ATXN7: variants seen among roughly 807,000 people sequenced by gnomAD.
ATXN7 encodes the protein ataxin-7.
A neutral mutation model predicts 70.5 loss-of-function variants in ATXN7; 12 were observed. The observed-to-expected ratio is 0.17, with a 90% CI of 0.11 to 0.28. ATXN7 has a LOEUF of 0.28. ATXN7 is among the 10% of genes least tolerant of loss of function. The pLI is 1.00. For synonymous variants in ATXN7, 498 were observed against 448.7 expected (o/e 1.11, Z -1.39); for missense variants, 1,256 against 1,131.7 (o/e 1.11, Z -1.58).
chr3:63,946,366 G>A (rs963923956), intron 4 of ATXN7, among the ~76,000 whole-genome samples: 8 of 152,120 alleles, frequency 5.3e-5, no homozygotes, highest in Non-Finnish European at 8.8e-5. Flanking sequence ...TGGGCCAGGC[G>A]CGGTGGCTCA....
rs151161133 is a variant in ATXN7 at position 63,914,703 on chromosome 3, T to C, written c.394+1478T>C. The stretch of plus-strand genomic sequence containing the variant: ...CTGTGTGAAAACAAGATTGTAATTA[T>C]CAATAATTCTGCTGTAAAGGATGAG... On this transcript the variant is annotated intron_variant, in intron 4 of 12. Coordinates refer to ENST00000674280, the MANE Select transcript of ATXN7 (RefSeq NM_001377405.1). Among the ~76,000 whole-genome samples, 1,165 of 152,296 alleles carry C rather than the reference T, an allele frequency of 7.6e-3. 17 individuals are homozygous for C. Among genetic ancestry groups the C allele is most frequent in the African/African-American group, 0.025 (1,030 of 41,566 alleles).
chr3:63,875,520 A>G (rs1197121254), intron 1 of ATXN7, among the ~76,000 whole-genome samples: 3 of 152,162 alleles, frequency 2.0e-5, no homozygotes, highest in Non-Finnish European at 2.9e-5. Context: ...GAGGCCCAGC[A>G]TCTTTTTATT....
At chr3:63,912,980 TCCCCTCCCCCCTGCC>T (rs1704111481) in intron 3 of ATXN7, 57 bp downstream of exon 3, 1 of 784,404 alleles carries the variant, frequency 1.3e-6, no homozygotes, top group Non-Finnish European at 1.6e-6. Context: ...TCCTCTCTCC[TCCCCTCCCCCCTGCC>T]CCCCTCCTGT....
chr3:63,921,316 C>G (rs1225294502), intron 4 of ATXN7, among the ~76,000 whole-genome samples: 2 of 151,984 alleles, frequency 1.3e-5, no homozygotes, highest in African/African-American at 2.4e-5. Flanking sequence ...TCCAGTCATG[C>G]AACAGAAAAA....
rs1007184831 is a variant in ATXN7, at chr3:63,988,334, G to A, written c.1361+10G>A. Reference sequence around the variant, plus strand: ...CCCCCAGTCTTCCAAGGTAAGCCAGGCCCTCCAACTCTTTCTCCCACCTTC... The same window carrying A: ...CCCCCAGTCTTCCAAGGTAAGCCAGACCCTCCAACTCTTTCTCCCACCTTC... On this transcript the variant is annotated intron_variant, in intron 9 of 12. Coordinates refer to ENST00000674280, the MANE Select transcript of ATXN7 (RefSeq NM_001377405.1). The A allele has an allele frequency of 6.8e-6, 11 of 1,613,696 alleles. No homozygotes were observed. The highest frequency in any genetic ancestry group is 2.7e-5 in the African/African-American group (2 of 74,826).
intron 1 of ATXN7, chr3:63,865,489 GAGA>G (rs1702384927): frequency 1.3e-5 from 2 of 152,184 alleles, no homozygotes; most frequent in South Asian, 4.1e-4. Flanking sequence ...GGCACTCTAA[GAGA>G]AGAATTGTTT....
chr3:63,871,609 A>G (rs1215200857), intron 1 of ATXN7, among the ~76,000 whole-genome samples: 5 of 152,192 alleles, frequency 3.3e-5, no homozygotes, highest in South Asian at 2.1e-4. Flanking sequence ...GGGCCTATCC[A>G]TGTAGTGGAA....
intron 11 of ATXN7, among the ~76,000 whole-genome samples, chr3:63,994,906 A>G (rs745904684): frequency 2.0e-5 from 3 of 152,220 alleles, no homozygotes; most frequent in Non-Finnish European, 4.4e-5. Flanking sequence ...AACAGAATCC[A>G]TTGTTACAAC....
At chr3:63,873,210 T>C (rs532532700) in intron 1 of ATXN7, among the ~76,000 whole-genome samples, 1 of 152,310 alleles carries the variant, frequency 6.6e-6, no homozygotes, top group African/African-American at 2.4e-5. Context: ...AGACACAGTA[T>C]AACAGCTAAT....
chr3:63,876,599 T>C (rs923025924), intron 1 of ATXN7, among the ~76,000 whole-genome samples: 1 of 152,198 alleles, frequency 6.6e-6, no homozygotes, highest in African/African-American at 2.4e-5. Context: ...AGCTAGCTCC[T>C]AGAAAAGATT....
chr3:63,935,504 G>A (rs924826807), intron 4 of ATXN7, among the ~76,000 whole-genome samples: 2 of 152,154 alleles, frequency 1.3e-5, no homozygotes, highest in African/African-American at 2.4e-5. Context: ...AAGGAATGTG[G>A]TATTTCTGTG....
intron 1 of ATXN7, among the ~76,000 whole-genome samples, chr3:63,893,296 G>A (rs1327749765): frequency 2.0e-5 from 3 of 152,132 alleles, no homozygotes; most frequent in Non-Finnish European, 4.4e-5. Context: ...AGAATTACTG[G>A]GAATTTTATA....
At chr3:63,997,738 A>G (rs2075783239) in intron 12 of ATXN7, 2 of 1,544,952 alleles carry the variant, frequency 1.3e-6, no homozygotes, top group Non-Finnish European at 1.7e-6. Flanking sequence ...TTCAGAACTT[A>G]ACTCAAATGC....
At chr3:63,891,555 T>C (rs908038286) in intron 1 of ATXN7, among the ~76,000 whole-genome samples, 11 of 149,514 alleles carry the variant, frequency 7.4e-5, no homozygotes, top group African/African-American at 2.7e-4. Flanking sequence ...ACTCCTGGCC[T>C]CAAGGGATCC....
chr3:63,909,551 G>T (rs540296432), intron 2 of ATXN7, among the ~76,000 whole-genome samples: 1 of 152,176 alleles, frequency 6.6e-6, no homozygotes. Context: ...GGTTTCTGTT[G>T]TACTCTTGTT....
intron 5 of ATXN7, among the ~76,000 whole-genome samples, chr3:63,959,414 C>T (rs1407528401): frequency 2.0e-5 from 3 of 152,174 alleles, no homozygotes; most frequent in Non-Finnish European, 4.4e-5. Flanking sequence ...TCAAGGTGGA[C>T]ATTAGTTTAA....
rs771921977 is a variant in ATXN7 at position 63,995,675 on chromosome 3, T to C, written c.1853T>C (p.Val618Ala). Residue 618 changes from valine (V) to alanine (A), a missense_variant, in exon 12 of 13, where the codon GTA becomes GCA. Val to Ala is a moderately conservative substitution (Grantham distance 64, BLOSUM62 0). Transcript: ENST00000674280. ...STCISPNSKS[V>A]PAHGTTLNAQ... ...TGCATCTCCCCAAATAGCAAATCGG[T>C]ACCAGCTCATGGAACCACACTAAAT... 1.2e-6 allele frequency: 2 copies of C among 1,614,182 alleles called. No homozygotes were observed. The highest frequency in any genetic ancestry group is 1.7e-6 in the Non-Finnish European group (2 of 1,180,036).
At chr3:63,945,956 C>G (rs2074851779) in intron 4 of ATXN7, among the ~76,000 whole-genome samples, 1 of 152,168 alleles carries the variant, frequency 6.6e-6, no homozygotes, top group African/African-American at 2.4e-5. Flanking sequence ...GCCAGAGTAA[C>G]CAGATGCAGA....
At chr3:63,972,328 T>TA in intron 5 of ATXN7, among the ~76,000 whole-genome samples, 1 of 152,226 alleles carries the variant, frequency 6.6e-6, no homozygotes, top group Non-Finnish European at 1.5e-5. Flanking sequence ...GTCCTTGCTT[T>TA]AAATGGGCGT....
Sources: allele counts gnomAD v4.1 joint callset (sites outside exome capture counted in the v4.1 genomes callset), GRCh38; gene constraint gnomAD v4.1.1; transcripts MANE v1.5; gene names NCBI Gene and HGNC (gene_info 2026-07-23, HGNC 2026-07-21).